The following MACROD2 variants were observed in gnomAD, a reference collection of about 807,000 sequenced individuals.
MACROD2 encodes the protein mono-ADP ribosylhydrolase 2.
MACROD2 carries 36 observed loss-of-function variants against 70.4 expected under a neutral mutation model. That is an observed-to-expected ratio of 0.51 (90% CI 0.39 to 0.68). The LOEUF is 0.68. Among genes scored for constraint, MACROD2 ranks in the 30% least tolerant of loss-of-function variants. The pLI is 0.00. For missense variants in MACROD2, 496 were observed against 538.4 expected, an observed-to-expected ratio of 0.92 and a Z score of 0.78; for synonymous variants, 172 against 178.8, an observed-to-expected ratio of 0.96 and a Z score of 0.30.
chr20:15,021,138 G>A (rs372165989), intron 5 of MACROD2, among the ~76,000 whole-genome samples: 7 of 105,154 alleles, frequency 6.7e-5, no homozygotes, highest in East Asian at 5.4e-4. Flanking sequence ...ATACACATAC[G>A]TGTGTGTATA....
chr20:15,798,751 A>G (rs1280417945), intron 8 of MACROD2, among the ~76,000 whole-genome samples: 2 of 152,210 alleles, frequency 1.3e-5, no homozygotes, highest in Non-Finnish European at 2.9e-5. Context: ...ATACCTCATT[A>G]GAAGCCTGTG....
chr20:14,968,894 G>A (rs758456660), intron 5 of MACROD2, among the ~76,000 whole-genome samples: 13 of 152,044 alleles, frequency 8.6e-5, no homozygotes, highest in Admixed American at 2.0e-4. Flanking sequence ...TTGTTTTCAC[G>A]CACAATACTA....
At chr20:14,625,542 A>AT (rs1203441501) in intron 4 of MACROD2, among the ~76,000 whole-genome samples, 2 of 152,180 alleles carry the variant, frequency 1.3e-5, no homozygotes, top group African/African-American at 4.8e-5. Flanking sequence ...CAATGATTGC[A>AT]TGAATGGAGT....
chr20:14,515,465 G>GCACACACACACACACA (rs11467236), intron 4 of MACROD2, among the ~76,000 whole-genome samples: 4 of 127,058 alleles, frequency 3.1e-5, no homozygotes, highest in African/African-American at 1.3e-4. Flanking sequence ...ACACACACAC[G>GCACACACACACACACA]CACACACACA....
At chr20:15,338,919 T>C (rs775231150) in intron 6 of MACROD2, among the ~76,000 whole-genome samples, 2 of 151,868 alleles carry the variant, frequency 1.3e-5, no homozygotes, top group African/African-American at 2.4e-5. Context: ...ATTTAGATGA[T>C]ACACTTTGGA....
At chr20:14,744,209 T>C (rs893784461) in intron 5 of MACROD2, among the ~76,000 whole-genome samples, 2 of 152,192 alleles carry the variant, frequency 1.3e-5, no homozygotes, top group Non-Finnish European at 2.9e-5. Flanking sequence ...AAGTGAGGTA[T>C]ATATATGCAA....
At chr20:15,871,201 A>T (rs1360781476) in intron 9 of MACROD2, among the ~76,000 whole-genome samples, 2 of 151,808 alleles carry the variant, frequency 1.3e-5, no homozygotes. Context: ...AAATTATAAA[A>T]TTAACATTTA....
chr20:14,020,758 T>G (rs2053065475), intron 2 of MACROD2, among the ~76,000 whole-genome samples: 1 of 152,202 alleles, frequency 6.6e-6, no homozygotes, highest in Non-Finnish European at 1.5e-5. Context: ...TGTGTGTGAT[T>G]ATTGAATTCT....
At chr20:14,366,053 T>G (rs1361822067) in intron 3 of MACROD2, among the ~76,000 whole-genome samples, 1 of 152,194 alleles carries the variant, frequency 6.6e-6, no homozygotes, top group African/African-American at 2.4e-5. Flanking sequence ...CCATGTGCAC[T>G]TGAGAGGAAT....
chr20:14,786,198 GAA>G (rs2072369427), intron 5 of MACROD2, among the ~76,000 whole-genome samples: 1 of 138,036 alleles, frequency 7.2e-6, no homozygotes, highest in African/African-American at 2.8e-5. Context: ...TTCACTCAGA[GAA>G]AGATAGAGAG....
At chr20:14,163,674 G>A (rs1470075423) in intron 3 of MACROD2, among the ~76,000 whole-genome samples, 3 of 150,480 alleles carry the variant, frequency 2.0e-5, no homozygotes, top group East Asian at 2.0e-4. Flanking sequence ...TGTCTGACTA[G>A]GTTATTTCAT....
chr20:15,350,097 A>G (rs1399129288), intron 6 of MACROD2, among the ~76,000 whole-genome samples: 1 of 152,174 alleles, frequency 6.6e-6, no homozygotes, highest in Non-Finnish European at 1.5e-5. Context: ...AGTGAACCTG[A>G]CTGTGGTTAA....
chr20:15,574,183 G>A (rs1015897500), intron 8 of MACROD2, among the ~76,000 whole-genome samples: 1 of 151,808 alleles, frequency 6.6e-6, no homozygotes, highest in Non-Finnish European at 1.5e-5. Flanking sequence ...ACCAACTTTG[G>A]GCCAATACTG....
intron 3 of MACROD2, among the ~76,000 whole-genome samples, chr20:14,417,107 A>G (rs1468693786): frequency 2.1e-5 from 3 of 144,566 alleles, no homozygotes; most frequent in Non-Finnish European, 4.6e-5. Flanking sequence ...CTATCTATCT[A>G]TCTCTGCAAG....
intron 3 of MACROD2, among the ~76,000 whole-genome samples, chr20:14,227,984 G>A (rs900980153): frequency 6.6e-6 from 1 of 151,910 alleles, no homozygotes; most frequent in Non-Finnish European, 1.5e-5. Context: ...GCAATTTTAG[G>A]TTTACAGTAC....
At chr20:14,934,629 A>G (rs572423459) in intron 5 of MACROD2, among the ~76,000 whole-genome samples, 4 of 152,038 alleles carry the variant, frequency 2.6e-5, no homozygotes, top group African/African-American at 7.2e-5. Context: ...TCTATCAAAA[A>G]TACAAAAATT....
chr20:15,210,552 G>GTTTTTTTTTTTTTTTTTTTTGTTT (rs11333280), intron 5 of MACROD2, among the ~76,000 whole-genome samples: 2 of 121,650 alleles, frequency 1.6e-5, no homozygotes, highest in African/African-American at 3.2e-5. Flanking sequence ...CTTTTCTTCT[G>GTTTTTTTTTTTTTTTTTTTTGTTT]TTTTTTTTTT....
intron 6 of MACROD2, among the ~76,000 whole-genome samples, chr20:15,337,481 A>G (rs1449078879): frequency 6.6e-6 from 1 of 151,762 alleles, no homozygotes; most frequent in African/African-American, 2.4e-5. Context: ...GGTTTTATTT[A>G]TGTTTTAATT....
chr20:15,715,200 T>C (rs1290344831), intron 8 of MACROD2, among the ~76,000 whole-genome samples: 6 of 151,930 alleles, frequency 3.9e-5, no homozygotes, highest in South Asian at 2.1e-4. Flanking sequence ...CAGTTCACTT[T>C]GGATTATCTT....
Sources: gnomAD v4.1 joint callset for allele counts (sites outside exome capture counted in the v4.1 genomes callset) on GRCh38, gnomAD v4.1.1 for gene constraint, MANE v1.5 for transcripts, NCBI Gene and HGNC (gene_info 2026-07-23, HGNC 2026-07-21) for gene names.